SGCZ: variants seen among roughly 807,000 people sequenced by gnomAD.
The protein encoded by SGCZ is sarcoglycan zeta.
SGCZ carries 40 observed loss-of-function variants against 41.3 expected under a neutral mutation model. The ratio of observed to expected loss-of-function variants is 0.97; its 90% confidence interval spans 0.75 to 1.26. The LOEUF is 1.26. SGCZ is among the 50% of genes most tolerant of loss of function. SGCZ has a pLI of 0.00. For synonymous variants in SGCZ, 206 were observed against 137.5 expected (o/e 1.50, Z -3.49); for missense variants, 552 against 369.8 (o/e 1.49, Z -4.04).
intron 1 of SGCZ, among the ~76,000 whole-genome samples, chr8:14,646,694 G>A (rs771775935): frequency 6.6e-6 from 1 of 151,844 alleles, no homozygotes; most frequent in Non-Finnish European, 1.5e-5. Context: ...TTGTCTAAAA[G>A]TTGGTCTTTG....
chr8:14,598,947 T>A (rs1242061085), intron 1 of SGCZ, among the ~76,000 whole-genome samples: 1 of 152,194 alleles, frequency 6.6e-6, no homozygotes, highest in African/African-American at 2.4e-5. Context: ...TGTCTTTTTA[T>A]TTTTCTTCAT....
intron 1 of SGCZ, among the ~76,000 whole-genome samples, chr8:14,581,324 C>T (rs1441475078): frequency 6.6e-6 from 1 of 152,146 alleles, no homozygotes; most frequent in Non-Finnish European, 1.5e-5. Context: ...CCAGGCTGGT[C>T]TCGACCTCCT....
intron 2 of SGCZ, among the ~76,000 whole-genome samples, chr8:14,340,062 G>C (rs901815676): frequency 6.6e-6 from 1 of 152,138 alleles, no homozygotes; most frequent in Non-Finnish European, 1.5e-5. Context: ...TACACGTGAA[G>C]TTAAAAATAA....
At chr8:14,797,208 G>A (rs1453034999) in intron 1 of SGCZ, among the ~76,000 whole-genome samples, 1 of 152,050 alleles carries the variant, frequency 6.6e-6, no homozygotes, top group African/African-American at 2.4e-5. Context: ...GGGAAAGTCT[G>A]GGACTTCCTG....
At chr8:14,674,866 C>A (rs1257350538) in intron 1 of SGCZ, among the ~76,000 whole-genome samples, 1 of 151,174 alleles carries the variant, frequency 6.6e-6, no homozygotes, top group Non-Finnish European at 1.5e-5. Flanking sequence ...TTGAGGCCTC[C>A]CCAGAAGCAG....
chr8:14,304,700 T>C (rs924855053), intron 3 of SGCZ, among the ~76,000 whole-genome samples: 1 of 152,238 alleles, frequency 6.6e-6, no homozygotes, highest in African/African-American at 2.4e-5. Flanking sequence ...TCGTGGAATT[T>C]ATTTCACTTC....
chr8:14,897,080 C>G (rs188849037), intron 1 of SGCZ, among the ~76,000 whole-genome samples: 2,160 of 152,184 alleles, frequency 0.014, 29 homozygotes, highest in Middle Eastern at 0.048. Context: ...CCGTGCCTGG[C>G]CCTGGCTGAC....
At chr8:14,517,953 CTA>C (rs1802674501) in intron 2 of SGCZ, among the ~76,000 whole-genome samples, 1 of 151,468 alleles carries the variant, frequency 6.6e-6, no homozygotes, top group African/African-American at 2.4e-5. Flanking sequence ...ATAAACATTT[CTA>C]TGATTTATTT....
intron 1 of SGCZ, among the ~76,000 whole-genome samples, chr8:14,829,775 C>G (rs1040338831): frequency 6.6e-6 from 1 of 151,822 alleles, no homozygotes; most frequent in Non-Finnish European, 1.5e-5. Context: ...AATCATAAAA[C>G]TTGTAAAGAT....
chr8:15,139,992 G>A (rs1467876935), intron 1 of SGCZ, among the ~76,000 whole-genome samples: 4 of 152,044 alleles, frequency 2.6e-5, no homozygotes, highest in East Asian at 3.9e-4. Flanking sequence ...AAGTTGGTGG[G>A]GGTTGGGGGG....
chr8:14,639,551 G>A (rs368542359), intron 1 of SGCZ, among the ~76,000 whole-genome samples: 53 of 151,760 alleles, frequency 3.5e-4, no homozygotes, highest in African/African-American at 1.1e-3. Flanking sequence ...TGACTCAATA[G>A]TATTCATAGT....
At chr8:14,772,656 C>G (rs1230801828) in intron 1 of SGCZ, among the ~76,000 whole-genome samples, 1 of 147,496 alleles carries the variant, frequency 6.8e-6, no homozygotes, top group Admixed American at 6.9e-5. Flanking sequence ...TCAATTCCCA[C>G]CTATGAGTGA....
intron 2 of SGCZ, among the ~76,000 whole-genome samples, chr8:14,415,124 T>C (rs1179902876): frequency 6.6e-6 from 1 of 151,912 alleles, no homozygotes; most frequent in Non-Finnish European, 1.5e-5. Context: ...TTCAGTGACT[T>C]TCAAAGAAAT....
chr8:15,033,663 T>G (rs558928787), intron 1 of SGCZ, among the ~76,000 whole-genome samples: 1 of 152,236 alleles, frequency 6.6e-6, no homozygotes, highest in Admixed American at 6.5e-5. Context: ...CGCATCCCAG[T>G]GGACCTAGGC....
At chr8:14,242,159 G>T (rs564107541) in intron 3 of SGCZ, among the ~76,000 whole-genome samples, 2 of 152,110 alleles carry the variant, frequency 1.3e-5, no homozygotes, top group Non-Finnish European at 2.9e-5. Context: ...CCTTAAAAAA[G>T]CATTAGTAAT....
At chr8:15,234,316 C>T (rs1436274333) in intron 1 of SGCZ, among the ~76,000 whole-genome samples, 3 of 152,176 alleles carry the variant, frequency 2.0e-5, no homozygotes, top group African/African-American at 7.2e-5. Flanking sequence ...TATCAATATT[C>T]ATTAACACCC....
intron 3 of SGCZ, chr8:14,309,481 T>A: frequency 1.9e-6 from 3 of 1,607,796 alleles, no homozygotes; most frequent in Non-Finnish European, 2.5e-6. Context: ...GCGCTGTTGT[T>A]AATGTTAGAG....
In SGCZ at chr8:15,237,546, C is replaced by G. The variant is rs745950583; in HGVS notation, c.39+39G>C. The G allele has an allele frequency of 5.1e-6, 8 of 1,578,066 alleles. No individual in the cohort carries two copies. In the African/African-American group the frequency reaches 5.4e-5, roughly 11 times the overall value. ...AAGGAGAGGGGAGAGCAGGGAGCGC[C>G]GAGAAGCGGCCGCGAAGCCCGCCCG... is the stretch of plus-strand genomic sequence containing the variant. On this transcript the variant is annotated intron_variant, in intron 1 of 7. Transcript: ENST00000382080.
Position 14,161,030 on chromosome 8 carries a change from G to C in SGCZ, c.547+3550C>G, listed in dbSNP as rs142569159. Among the ~76,000 whole-genome samples, 580 of 152,252 alleles carry C rather than the reference G, an allele frequency of 3.8e-3. 2 individuals carry two copies. The highest frequency in any genetic ancestry group is 6.5e-3 in the Admixed American group (100 of 15,298). ...TTTGTGCCACAAATTTGAAATTCTA[G>C]AATAAACTTCACACATATCTGTCAT... On this transcript the variant is annotated intron_variant, in intron 5 of 7. Transcript: ENST00000382080.
Sources: allele counts gnomAD v4.1 joint callset (sites outside exome capture counted in the v4.1 genomes callset), GRCh38; gene constraint gnomAD v4.1.1; transcripts MANE v1.5; gene names NCBI Gene and HGNC (gene_info 2026-07-23, HGNC 2026-07-21).